The following DPYD variants were observed in gnomAD, a reference collection of about 807,000 sequenced individuals.
DPYD encodes dihydropyrimidine dehydrogenase, also known as dihydropyrimidine dehydrogenase [NADP(+)].
In DPYD, 109 loss-of-function variants were observed where a neutral mutation model predicts 116.2. The ratio of observed to expected loss-of-function variants is 0.94; its 90% CI spans 0.80 to 1.10. The LOEUF is 1.10. Ranked by LOEUF, DPYD falls within the 50% of genes least tolerant of loss-of-function variation. The pLI is 0.00. For missense variants in DPYD, 1,302 were observed against 1,254.5 expected, an observed-to-expected ratio of 1.04 and a Z score of -0.57; for synonymous variants, 440 against 432.0, an observed-to-expected ratio of 1.02 and a Z score of -0.23.
At chr1:97,363,840 T>C (rs775088495) in intron 16 of DPYD, among the ~76,000 whole-genome samples, 16 of 152,010 alleles carry the variant, frequency 1.1e-4, no homozygotes, top group Non-Finnish European at 1.0e-4. Flanking sequence ...ATTAGAGAAA[T>C]ACCTAATATA....
intron 20 of DPYD, among the ~76,000 whole-genome samples, chr1:97,108,118 T>C (rs964776574): frequency 1.3e-5 from 2 of 152,108 alleles, no homozygotes; most frequent in East Asian, 1.9e-4. Context: ...AGCAGCCAAA[T>C]GTGAATTTAA....
intron 10 of DPYD, chr1:97,586,282 A>G (rs772702677): frequency 6.6e-6 from 1 of 151,748 alleles, no homozygotes; most frequent in Non-Finnish European, 1.5e-5. Context: ...TAGAAACGAT[A>G]GAGATGGTGC....
rs1027691566 is a variant in DPYD at position 97,084,949 on chromosome 1, C to G, written c.2767-2479G>C. On this transcript the variant is annotated intron_variant, in intron 21 of 22. Coordinates refer to ENST00000370192, the MANE Select transcript of DPYD (RefSeq NM_000110.4). ...AATATAAATTTTATATATCTATACACTAAACCTATAATATGGTAGTAGGCA... is the reference window on the plus strand; with the variant it reads ...AATATAAATTTTATATATCTATACAGTAAACCTATAATATGGTAGTAGGCA... Among the ~76,000 whole-genome samples, 4 of 152,098 alleles carry G rather than the reference C, an allele frequency of 2.6e-5. No homozygotes were observed. The East Asian group carries it at 7.7e-4, about 29-fold the overall frequency.
chr1:97,640,916 G>T (rs573399754), intron 8 of DPYD, among the ~76,000 whole-genome samples: 1 of 152,164 alleles, frequency 6.6e-6, no homozygotes, highest in Non-Finnish European at 1.5e-5. Flanking sequence ...ATGACATTTA[G>T]TATAAGTAAT....
chr1:97,909,080 T>C (rs1455622964), intron 1 of DPYD, among the ~76,000 whole-genome samples: 10 of 152,148 alleles, frequency 6.6e-5, no homozygotes, highest in Admixed American at 3.9e-4. Context: ...AATCCTACTA[T>C]ACTTATTATT....
intron 20 of DPYD, among the ~76,000 whole-genome samples, chr1:97,133,937 T>G (rs576347758): frequency 6.8e-6 from 1 of 146,030 alleles, no homozygotes; most frequent in Non-Finnish European, 1.5e-5. Flanking sequence ...AGGTGGAGGT[T>G]GCAGTGAGCT....
intron 2 of DPYD, chr1:97,856,406 T>G (rs1670848885): frequency 6.6e-6 from 1 of 152,042 alleles, no homozygotes; most frequent in South Asian, 2.1e-4. Flanking sequence ...CCTAAAAGTT[T>G]TTAGAAAAAA....
chr1:97,180,900 A>G (rs1460136577), intron 20 of DPYD, among the ~76,000 whole-genome samples: 1 of 152,168 alleles, frequency 6.6e-6, no homozygotes, highest in Admixed American at 6.5e-5. Flanking sequence ...GAGAATGACA[A>G]CACAATGAAA....
At chr1:97,538,882 G>A (rs552119079) in intron 12 of DPYD, among the ~76,000 whole-genome samples, 44 of 152,218 alleles carry the variant, frequency 2.9e-4, no homozygotes, top group Non-Finnish European at 6.0e-4. Flanking sequence ...TAGTTTCAGA[G>A]GGGGGTTGAC....
chr1:97,427,297 C>T (rs974205089), intron 14 of DPYD, among the ~76,000 whole-genome samples: 5 of 151,958 alleles, frequency 3.3e-5, no homozygotes, highest in African/African-American at 1.2e-4. Context: ...AAATGACCTT[C>T]ACTTTTTTTT....
At chr1:97,640,622 C>T (rs1166362222) in intron 8 of DPYD, among the ~76,000 whole-genome samples, 1 of 152,004 alleles carries the variant, frequency 6.6e-6, no homozygotes, top group Non-Finnish European at 1.5e-5. Flanking sequence ...TATTTACTTT[C>T]TGTTAGATTA....
intron 16 of DPYD, among the ~76,000 whole-genome samples, chr1:97,344,204 G>C (rs996409332): frequency 2.6e-5 from 4 of 151,748 alleles, no homozygotes; most frequent in African/African-American, 9.7e-5. Flanking sequence ...GAGAGAGAGA[G>C]AGAATCTCGC....
At chr1:97,848,479 T>C (rs1168814618) in intron 2 of DPYD, among the ~76,000 whole-genome samples, 1 of 152,224 alleles carries the variant, frequency 6.6e-6, no homozygotes, top group Admixed American at 6.5e-5. Context: ...GTTCATCTTT[T>C]AAGAGGATGT....
intron 1 of DPYD, among the ~76,000 whole-genome samples, chr1:97,887,513 T>C (rs529156660): frequency 3.0e-5 from 4 of 131,710 alleles, no homozygotes; most frequent in East Asian, 4.3e-4. Flanking sequence ...CAGTCGCTAG[T>C]AACAAGTCGC....
chr1:97,241,521 A>C (rs1662340370), intron 18 of DPYD, among the ~76,000 whole-genome samples: 1 of 152,028 alleles, frequency 6.6e-6, no homozygotes, highest in Non-Finnish European at 1.5e-5. Context: ...GCGACATGAA[A>C]GTTCCCATTT....
In DPYD at chr1:97,770,219, G is replaced by A. The variant is rs148495686; in HGVS notation, c.234-29740C>T. ...TTATTATCAGTATGACTTTACCATC[G>A]CAACAATTAATTCATAAAAGTCTTA... On this transcript the variant is annotated intron_variant, in intron 3 of 22. Coordinates refer to ENST00000370192, the MANE Select transcript of DPYD (RefSeq NM_000110.4). 1.4e-4 allele frequency among the ~76,000 whole-genome samples: 22 copies of A among 152,106 alleles called. No individual in the cohort carries two copies. The East Asian group carries it at 1.9e-3, about 13-fold the overall frequency.
At chr1:97,290,758 T>C (rs554655010) in intron 18 of DPYD, among the ~76,000 whole-genome samples, 165 of 152,078 alleles carry the variant, frequency 1.1e-3, no homozygotes, top group African/African-American at 4.0e-3. Context: ...GGCATTACCA[T>C]TCAGGACATA....
intron 14 of DPYD, among the ~76,000 whole-genome samples, chr1:97,445,486 A>T (rs1676023891): frequency 6.6e-6 from 1 of 152,178 alleles, no homozygotes; most frequent in African/African-American, 2.4e-5. Context: ...CTTCATGAAT[A>T]TTCATAGCTT....
intron 7 of DPYD, among the ~76,000 whole-genome samples, chr1:97,689,259 TA>T (rs1444491667): frequency 6.6e-6 from 1 of 151,932 alleles, no homozygotes; most frequent in African/African-American, 2.4e-5. Context: ...GAAATGCAGC[TA>T]AAAAAAGATA....
Sources: gnomAD v4.1 joint callset for allele counts (sites outside exome capture counted in the v4.1 genomes callset) on GRCh38, gnomAD v4.1.1 for gene constraint, MANE v1.5 for transcripts, NCBI Gene and HGNC (gene_info 2026-07-23, HGNC 2026-07-21) for gene names.